GRIA2: variants seen among roughly 807,000 people sequenced by gnomAD.
The protein encoded by GRIA2 is glutamate ionotropic receptor AMPA type subunit 2, also known as glutamate receptor 2.
In GRIA2, 14 loss-of-function variants were observed where a neutral mutation model predicts 97.3. The observed-to-expected ratio is 0.14, with a 90% confidence interval of 0.10 to 0.23. The LOEUF (loss-of-function observed/expected upper bound fraction) is 0.23. Among genes scored for constraint, GRIA2 ranks in the 10% least tolerant of loss-of-function variants. The probability of loss-of-function intolerance (pLI) is 1.00; values close to 1 mark genes in which losing one functional copy is unlikely to be tolerated. For synonymous variants in GRIA2, 412 were observed against 387.8 expected (o/e 1.06, Z -0.73); for missense variants, 558 against 1,069.8 (o/e 0.52, Z 6.67).
At chr4:157,355,714 T>G (rs13151177) in intron 12 of GRIA2, among the ~76,000 whole-genome samples, 1 of 105,138 alleles carries the variant, frequency 9.5e-6, no homozygotes, top group South Asian at 2.7e-4. Flanking sequence ...TTGTATATAT[T>G]TATTTATATA....
chr4:157,277,856 A>ATATATATATGTATATATGTATATATATG lies in GRIA2; in HGVS notation c.230-25689_230-25688insATGTATATATGTATATATATGTATATAT, dbSNP rs1732406937. ...TATGTATATATATATGTATATATGT[A>ATATATATATGTATATATGTATATATATG]TATATATGTATATATGTATATATAT... is the stretch of plus-strand genomic sequence containing the variant. On this transcript the variant is annotated intron_variant, in intron 2 of 15. Transcript: ENST00000264426. Among the ~76,000 whole-genome samples the ATATATATATGTATATATGTATATATATG allele has an allele frequency of 2.1e-5, 3 of 143,434 alleles. No individual in the cohort carries two copies. The East Asian group carries it at 5.9e-4, about 28-fold the overall frequency. The allele number at this position is 143,434 out of a possible 152,430, so 94.1% of individuals were successfully genotyped here. A position where few individuals can be genotyped will look rare whatever the true frequency, so the allele number is the denominator to read the frequency against.
At chr4:157,256,252 TAA>T (rs1190574663) in intron 2 of GRIA2, among the ~76,000 whole-genome samples, 4 of 100,330 alleles carry the variant, frequency 4.0e-5, no homozygotes, top group East Asian at 2.3e-4. Flanking sequence ...ATATAATATA[TAA>T]ATTATATATT....
intron 6 of GRIA2, among the ~76,000 whole-genome samples, chr4:157,325,957 A>C (rs535262159): frequency 6.6e-6 from 1 of 152,186 alleles, no homozygotes; most frequent in Admixed American, 6.5e-5. Flanking sequence ...TTCTGTTCCA[A>C]ATGCTCCAAT....
At position 157,361,025 on chromosome 4, in the gene GRIA2, C is replaced by A; in HGVS notation, c.2307C>A (p.Leu769=). 1.2e-6 allele frequency: 2 copies of A among 1,610,420 alleles called. No individual in the cohort carries two copies. Among genetic ancestry groups the A allele is most frequent in the Non-Finnish European group, 1.7e-6 (2 of 1,176,778 alleles). Residue 769 remains leucine, a synonymous_variant, in exon 14 of 16, where the codon CTC becomes CTA. Coordinates refer to ENST00000264426, the MANE Select transcript of GRIA2 (RefSeq NM_001083619.3). This position sits in a 1 kb window ranked among gnomAD's most constrained non-coding sequence, Gnocchi z 5.2. ...TCGTTTCAAGAAATGCGGTTAACCTCGCAGTACTAAAACTGAATGAACAAG... is the reference window on the plus strand; with the variant it reads ...TCGTTTCAAGAAATGCGGTTAACCTAGCAGTACTAAAACTGAATGAACAAG... ...KGSSLRNAVN[L]AVLKLNEQGL... is the part of the protein sequence containing the mutation.
chr4:157,334,355 G>A, intron 9 of GRIA2: 1 of 401,490 alleles, frequency 2.5e-6, no homozygotes, highest in Non-Finnish European at 4.6e-6. Context: ...TTCCTACCCT[G>A]GTGCTTACAT....
At chr4:157,350,413 T>C (rs1282385825) in intron 12 of GRIA2, among the ~76,000 whole-genome samples, 2 of 152,110 alleles carry the variant, frequency 1.3e-5, no homozygotes, top group Admixed American at 6.5e-5. Flanking sequence ...TTTTTAATTT[T>C]TTTAATAGAT....
At chr4:157,279,845 C>T (rs1165703576) in intron 2 of GRIA2, among the ~76,000 whole-genome samples, 1 of 152,116 alleles carries the variant, frequency 6.6e-6, no homozygotes, top group Non-Finnish European at 1.5e-5. Context: ...TATGACTCGC[C>T]TGGGCGTGGT....
chr4:157,321,334 T>C, intron 5 of GRIA2, 104 bp from the exon 6 acceptor site: 1 of 778,270 alleles, frequency 1.3e-6, no homozygotes, highest in Non-Finnish European at 2.1e-6. Context: ...TCTCATATGT[T>C]CTTTGAAATA....
intron 2 of GRIA2, among the ~76,000 whole-genome samples, chr4:157,237,199 A>T (rs977291004): frequency 6.6e-6 from 1 of 152,076 alleles, no homozygotes; most frequent in African/African-American, 2.4e-5. Flanking sequence ...AAACCTACAG[A>T]ATCCCGTTTT....
At chr4:157,239,620 T>C (rs1478825275) in intron 2 of GRIA2, among the ~76,000 whole-genome samples, 1 of 152,004 alleles carries the variant, frequency 6.6e-6, no homozygotes, top group African/African-American at 2.4e-5. Flanking sequence ...ACTTTATGAA[T>C]TGATGACATT....
At chr4:157,302,265 AC>A (rs1733649599) in intron 2 of GRIA2, among the ~76,000 whole-genome samples, 1 of 152,056 alleles carries the variant, frequency 6.6e-6, no homozygotes, top group Non-Finnish European at 1.5e-5. Flanking sequence ...GTAGAGCATT[AC>A]AGGGGATCAG....
chr4:157,263,943 T>C (rs1561017260), intron 2 of GRIA2, among the ~76,000 whole-genome samples: 1 of 152,138 alleles, frequency 6.6e-6, no homozygotes, highest in African/African-American at 2.4e-5. Context: ...TTCCTCATTT[T>C]TGAACTTTAC....
At chr4:157,240,581 T>G (rs1322593763) in intron 2 of GRIA2, among the ~76,000 whole-genome samples, 5 of 152,116 alleles carry the variant, frequency 3.3e-5, no homozygotes, top group Non-Finnish European at 7.4e-5. Flanking sequence ...CTTATTGCAC[T>G]GCCCGTCAAC....
At chr4:157,267,391 CAAAAAAA>C (rs772189197) in intron 2 of GRIA2, among the ~76,000 whole-genome samples, 4 of 51,800 alleles carry the variant, frequency 7.7e-5, no homozygotes, top group Non-Finnish European at 1.2e-4. Flanking sequence ...GACTCCATCT[CAAAAAAA>C]AAAAAAAAAA....
At chr4:157,307,108 A>AG (rs35005660) in intron 3 of GRIA2, among the ~76,000 whole-genome samples, 3 of 152,214 alleles carry the variant, frequency 2.0e-5, no homozygotes, top group African/African-American at 7.2e-5. Flanking sequence ...ATATTGGTTA[A>AG]TTATAATGTC....
intron 2 of GRIA2, among the ~76,000 whole-genome samples, chr4:157,276,898 A>G (rs573032267): frequency 6.6e-6 from 1 of 152,120 alleles, no homozygotes; most frequent in Admixed American, 6.5e-5. Flanking sequence ...TATGTCTATT[A>G]AAGAAATTAA....
intron 5 of GRIA2, among the ~76,000 whole-genome samples, chr4:157,319,554 T>TAAGTTCGA (rs1734469264): frequency 6.6e-6 from 1 of 152,318 alleles, no homozygotes; most frequent in African/African-American, 2.4e-5. Context: ...AGTGAATCAA[T>TAAGTTCGA]AAGTTCGAAA....
chr4:157,316,910 T>C (rs1734348702), intron 4 of GRIA2, among the ~76,000 whole-genome samples: 1 of 152,204 alleles, frequency 6.6e-6, no homozygotes, highest in Admixed American at 6.5e-5. Context: ...TCGTAATTGA[T>C]ACAGATCATT....
Position 157,332,959 on chromosome 4 carries a change from T to C in GRIA2, c.1023T>C (p.Gly341=). 1 of 1,610,078 alleles carries C rather than the reference T, an allele frequency of 6.2e-7. No homozygotes were observed. Residue 341 remains glycine, a synonymous_variant, in exon 7 of 16, where the codon GGT becomes GGC. Transcript: ENST00000264426. The part of the protein sequence containing the change: ...LANPAVPWGQ[G]VEIERALKQV... ...ACCCAGCAGTGCCCTGGGGACAAGG[T>C]GTAGAAATAGAAAGGGCCCTCAAAC...
Sources: gnomAD v4.1 joint callset for allele counts (sites outside exome capture counted in the v4.1 genomes callset) on GRCh38, gnomAD v4.1.1 for gene constraint, Gnocchi (gnomAD v3.1) non-coding constraint, MANE v1.5 for transcripts, NCBI Gene and HGNC (gene_info 2026-07-23, HGNC 2026-07-21) for gene names.